ZMYND8: variants seen among roughly 807,000 people sequenced by gnomAD.
ZMYND8 encodes zinc finger MYND-type containing 8.
In ZMYND8, 37 loss-of-function variants were observed where a neutral mutation model predicts 140.8. The observed-to-expected ratio is 0.26, with a 90% CI of 0.20 to 0.35. The LOEUF (loss-of-function observed/expected upper bound fraction) is 0.35. ZMYND8 is among the 10% of genes least tolerant of loss of function. ZMYND8 has a pLI of 1.00. For synonymous variants in ZMYND8, 592 were observed against 597.1 expected (o/e 0.99, Z 0.12); for missense variants, 1,068 against 1,570.0 (o/e 0.68, Z 5.40).
intron 16 of ZMYND8, among the ~76,000 whole-genome samples, chr20:47,232,289 G>A (rs540903059): frequency 2.6e-5 from 4 of 152,242 alleles, no homozygotes; most frequent in Non-Finnish European, 2.9e-5. Context: ...CGAGAGAATC[G>A]CTTGAATCTG....
chr20:47,291,470 A>C (rs1004019850), intron 6 of ZMYND8, among the ~76,000 whole-genome samples: 1 of 152,164 alleles, frequency 6.6e-6, no homozygotes, highest in African/African-American at 2.4e-5. Context: ...TCTCATTAGC[A>C]CCTCCGAAAG....
At chr20:47,230,545 C>A (rs1203504151) in intron 16 of ZMYND8, among the ~76,000 whole-genome samples, 1 of 152,026 alleles carries the variant, frequency 6.6e-6, no homozygotes, top group Admixed American at 6.6e-5. Context: ...CCACCCACCT[C>A]GGCCTCCCAA....
chr20:47,228,714 C>T (rs2038050037), intron 17 of ZMYND8, among the ~76,000 whole-genome samples: 1 of 152,220 alleles, frequency 6.6e-6, no homozygotes, highest in Non-Finnish European at 1.5e-5. Flanking sequence ...TGAAGATCTT[C>T]TCCTCTTCGT....
intron 11 of ZMYND8, among the ~76,000 whole-genome samples, chr20:47,263,846 C>A (rs1053213236): frequency 2.0e-5 from 3 of 152,342 alleles, no homozygotes; most frequent in African/African-American, 7.2e-5. Context: ...AGTAAGTACT[C>A]TGTTACTGTT....
chr20:47,289,319 T>C (rs1328440379), intron 7 of ZMYND8, among the ~76,000 whole-genome samples: 1 of 152,026 alleles, frequency 6.6e-6, no homozygotes, highest in Non-Finnish European at 1.5e-5. Flanking sequence ...ACCCTTATAG[T>C]GTGTGGAGCA....
intron 6 of ZMYND8, among the ~76,000 whole-genome samples, chr20:47,291,394 C>A (rs1314627418): frequency 1.3e-5 from 2 of 152,142 alleles, no homozygotes; most frequent in East Asian, 1.9e-4. Flanking sequence ...TTCTAAGAAG[C>A]CACATCTTTA....
chr20:47,296,264 A>AC (rs906621039), intron 4 of ZMYND8, among the ~76,000 whole-genome samples: 2 of 150,194 alleles, frequency 1.3e-5, no homozygotes, highest in East Asian at 3.9e-4. Flanking sequence ...CTCACCCCCC[A>AC]CTCCTTCTTC....
At chr20:47,240,863 T>C (rs962971750) in intron 14 of ZMYND8, among the ~76,000 whole-genome samples, 7 of 152,000 alleles carry the variant, frequency 4.6e-5, no homozygotes, top group African/African-American at 1.7e-4. Context: ...CTATTTTATT[T>C]TATGTTTTAA....
chr20:47,237,315 C>CT lies in ZMYND8; in HGVS notation c.2666-800dup, dbSNP rs771666870. On this transcript the variant is annotated intron_variant, in intron 15 of 22. Transcript: ENST00000471951. ...GCCATCATGCCCGGCTAGTTTTTTG[C>CT]TTTTTTTTTTTTTTTCCATTTTAGT... 8.8e-3 allele frequency: 1,211 copies of CT among 138,046 alleles called. 7 individuals are homozygous for CT. The highest frequency in any genetic ancestry group is 0.023 in the African/African-American group (879 of 37,746). 8.6% of individuals were successfully genotyped at this position (138,046 alleles called of 1,614,324 possible).
At chr20:47,215,310 T>C (rs1050054237) in intron 21 of ZMYND8, among the ~76,000 whole-genome samples, 1 of 151,944 alleles carries the variant, frequency 6.6e-6, no homozygotes, top group African/African-American at 2.4e-5. Context: ...GAAGCAGAGG[T>C]TGCAGTGAGC....
At chr20:47,283,996 C>A (rs957508033) in intron 8 of ZMYND8, among the ~76,000 whole-genome samples, 2 of 152,100 alleles carry the variant, frequency 1.3e-5, no homozygotes, top group Non-Finnish European at 2.9e-5. Context: ...GATCTGGGCT[C>A]ATTGCAACTT....
intron 1 of ZMYND8, chr20:47,349,778 G>T: frequency 6.6e-7 from 1 of 1,512,350 alleles, no homozygotes; most frequent in South Asian, 1.2e-5. Flanking sequence ...TTGAGTAATA[G>T]AGAAAACGCT....
At chr20:47,270,860 G>T (rs6018382) in intron 11 of ZMYND8, among the ~76,000 whole-genome samples, 4 of 151,802 alleles carry the variant, frequency 2.6e-5, no homozygotes, top group African/African-American at 9.7e-5. Flanking sequence ...GGCAGATCAC[G>T]AGGTCAGGAG....
intron 2 of ZMYND8, chr20:47,319,281 T>C: frequency 2.9e-6 from 1 of 343,662 alleles, no homozygotes; most frequent in East Asian, 7.8e-5. Flanking sequence ...AAGTCTCCGG[T>C]GCAGTGCACC....
intron 21 of ZMYND8, among the ~76,000 whole-genome samples, chr20:47,216,056 CTGCAGAG>C (rs909969241): frequency 2.0e-5 from 3 of 152,202 alleles, no homozygotes; most frequent in African/African-American, 7.2e-5. Context: ...CACGGAGGCC[CTGCAGAG>C]GGCAGAGGAG....
chr20:47,291,364 A>T (rs1041883567), intron 6 of ZMYND8, among the ~76,000 whole-genome samples: 1 of 152,212 alleles, frequency 6.6e-6, no homozygotes, highest in African/African-American at 2.4e-5. Flanking sequence ...GAAAAAACCT[A>T]ATCAGTAGAG....
chr20:47,299,906 C>T (rs946625214), intron 3 of ZMYND8, among the ~76,000 whole-genome samples: 1 of 152,124 alleles, frequency 6.6e-6, no homozygotes, highest in African/African-American at 2.4e-5. Flanking sequence ...TAAGTTTACC[C>T]CCAATACATA....
At chr20:47,291,773 G>A (rs2077280588) in intron 6 of ZMYND8, 23 bp downstream of exon 6, 2 of 1,599,130 alleles carry the variant, frequency 1.3e-6, no homozygotes, top group African/African-American at 1.3e-5. Context: ...CTAGAATGGT[G>A]AGGTTCTTTG....
chr20:47,251,166 T>C (rs1337847648), intron 12 of ZMYND8, among the ~76,000 whole-genome samples: 2 of 151,674 alleles, frequency 1.3e-5, no homozygotes, highest in Non-Finnish European at 2.9e-5. Flanking sequence ...TCAAGAAAAA[T>C]AGCAAAAACA....
Sources: gnomAD v4.1 joint callset for allele counts (sites outside exome capture counted in the v4.1 genomes callset) on GRCh38, gnomAD v4.1.1 for gene constraint, MANE v1.5 for transcripts, NCBI Gene and HGNC (gene_info 2026-07-23, HGNC 2026-07-21) for gene names.